The following ANAPC7 variants were observed in gnomAD, a reference collection of about 807,000 sequenced individuals.
ANAPC7 encodes anaphase promoting complex subunit 7, also known as anaphase-promoting complex subunit 7.
In ANAPC7, 25 loss-of-function variants were observed where a neutral mutation model predicts 63.3. That is an observed-to-expected ratio of 0.39 (90% CI 0.29 to 0.55). The LOEUF (loss-of-function observed/expected upper bound fraction) is 0.55. ANAPC7 is among the 20% of genes least tolerant of loss of function. The pLI is 0.57. For missense variants in ANAPC7, 516 were observed against 691.7 expected, an observed-to-expected ratio of 0.75 and a Z score of 2.85; for synonymous variants, 241 against 251.7, an observed-to-expected ratio of 0.96 and a Z score of 0.40.
intron 3 of ANAPC7, among the ~76,000 whole-genome samples, chr12:110,391,080 C>T (rs1883047042): frequency 6.6e-6 from 1 of 152,076 alleles, no homozygotes; most frequent in Non-Finnish European, 1.5e-5. Context: ...GTACCAGCTA[C>T]TCAGGAGGCT....
intron 3 of ANAPC7, among the ~76,000 whole-genome samples, chr12:110,392,078 A>T (rs1179885891): frequency 7.4e-6 from 1 of 135,470 alleles, no homozygotes; most frequent in Non-Finnish European, 1.5e-5. Flanking sequence ...GCAACACAGC[A>T]AGACTCCACC....
chr12:110,378,899 C>T (rs565018297), intron 8 of ANAPC7: 69 of 150,582 alleles, frequency 4.6e-4, no homozygotes, highest in African/African-American at 1.6e-3. Flanking sequence ...TGCTCTGTCA[C>T]CCAGGCTGGA....
chr12:110,383,709 C>T (rs183169973), intron 6 of ANAPC7, among the ~76,000 whole-genome samples: 3 of 150,454 alleles, frequency 2.0e-5, no homozygotes, highest in Admixed American at 1.3e-4. Context: ...AACCCCATCT[C>T]TACTAAAAAT....
intron 10 of ANAPC7, 37 bp downstream of exon 10, chr12:110,376,029 C>A: frequency 6.3e-7 from 1 of 1,593,270 alleles, no homozygotes; most frequent in African/African-American, 1.3e-5. Context: ...CCTCTACCCT[C>A]CTCAGTGGCC....
chr12:110,388,944 T>C (rs890508760), intron 3 of ANAPC7, among the ~76,000 whole-genome samples: 2 of 151,024 alleles, frequency 1.3e-5, no homozygotes, highest in African/African-American at 4.9e-5. Flanking sequence ...TAGCTGGGCG[T>C]GGTGGCGGGA....
chr12:110,396,978 C>G (rs1227304308), intron 1 of ANAPC7, among the ~76,000 whole-genome samples: 1 of 151,720 alleles, frequency 6.6e-6, no homozygotes, highest in Non-Finnish European at 1.5e-5. Flanking sequence ...CTGAGGGGGG[C>G]GGATCTCGAG....
intron 8 of ANAPC7, chr12:110,378,956 T>G (rs1459015855): frequency 3.3e-5 from 5 of 151,870 alleles, no homozygotes; most frequent in Admixed American, 3.3e-4. Flanking sequence ...TCTCCTGGGT[T>G]CAAGCAATTC....
chr12:110,388,666 G>T (rs1232659146), intron 3 of ANAPC7, 43 bp from the exon 4 acceptor site: 1 of 1,405,894 alleles, frequency 7.1e-7, no homozygotes, highest in Non-Finnish European at 1.0e-6. Flanking sequence ...AGCGTATATT[G>T]CAAAGAAAAT....
intron 9 of ANAPC7, among the ~76,000 whole-genome samples, chr12:110,376,930 G>A (rs1881338559): frequency 6.6e-6 from 1 of 151,366 alleles, no homozygotes; most frequent in Admixed American, 6.6e-5. Flanking sequence ...AAACCGGCCT[G>A]GCCAATATGG....
chr12:110,382,457 AAAAAATATATAT>A (rs1414329412), intron 7 of ANAPC7, among the ~76,000 whole-genome samples: 5 of 65,266 alleles, frequency 7.7e-5, no homozygotes, highest in African/African-American at 3.4e-4. Context: ...AAAAAAAAAA[AAAAAATATATAT>A]ATATATATAT....
In ANAPC7 at chr12:110,373,240, C is replaced by T. The variant is rs1880979216; in HGVS notation, c.*904G>A. The T allele has an allele frequency of 6.6e-6, 1 of 152,136 alleles. No individual in the cohort carries two copies. The highest frequency in any genetic ancestry group is 2.4e-5 in the African/African-American group (1 of 41,408). The allele number at this position is 152,136 out of a possible 1,614,324, so 9.4% of individuals were successfully genotyped here. Reference sequence around the variant, plus strand: ...AGCTGCAGCAAAAGAGCCAGGCAGACGCAGCTGAAATCTGGCCAAAGACTC... The same window carrying T: ...AGCTGCAGCAAAAGAGCCAGGCAGATGCAGCTGAAATCTGGCCAAAGACTC... On this transcript the variant is annotated 3_prime_UTR_variant, in exon 11 of 11. Coordinates refer to ENST00000455511, the MANE Select transcript of ANAPC7 (RefSeq NM_016238.3).
At chr12:110,376,511 G>A (rs900761949) in intron 9 of ANAPC7, among the ~76,000 whole-genome samples, 5 of 138,572 alleles carry the variant, frequency 3.6e-5, no homozygotes, top group Admixed American at 2.5e-4. Flanking sequence ...GGAGCTTGCA[G>A]TGAGCCGTGA....
Position 110,403,588 on chromosome 12 carries a change from C to T in ANAPC7, c.40G>A (p.Gly14Arg). 1 of 1,608,578 alleles carries T rather than the reference C, an allele frequency of 6.2e-7. No homozygotes were observed. The highest frequency in any genetic ancestry group is 8.5e-7 in the Non-Finnish European group (1 of 1,177,992). ...AGGAGCCGCACGTTGGAGTGCAGCC[C>T]CGCGGCCGCCATGTCCCGCACGTGG... Reference protein sequence around the residue: ...IDHVRDMAAAGLHSNVRLLSS... With the variant: ...IDHVRDMAAARLHSNVRLLSS... Residue 14 changes from glycine to arginine, a missense_variant, in exon 1 of 11, where the codon GGG becomes AGG. Physicochemically the swap from Gly to Arg is moderately radical, Grantham distance 125. Coordinates refer to ENST00000455511, the MANE Select transcript of ANAPC7 (RefSeq NM_016238.3).
chr12:110,401,437 A>C (rs1191175311), intron 1 of ANAPC7, among the ~76,000 whole-genome samples: 1 of 152,170 alleles, frequency 6.6e-6, no homozygotes, highest in Non-Finnish European at 1.5e-5. Context: ...GAAGGGTAGA[A>C]AAGTGGGAGT....
chr12:110,396,238 A>T, intron 2 of ANAPC7, 28 bp downstream of exon 2: 1 of 1,584,580 alleles, frequency 6.3e-7, no homozygotes, highest in South Asian at 1.2e-5. Context: ...AAAAAAAAAA[A>T]AAAAATCACA....
At chr12:110,382,457 A>ATATATACATATATATAT (rs1251192302) in intron 7 of ANAPC7, among the ~76,000 whole-genome samples, 17 of 65,268 alleles carry the variant, frequency 2.6e-4, no homozygotes, top group African/African-American at 1.2e-3. Context: ...AAAAAAAAAA[A>ATATATACATATATATAT]AAAAATATAT....
intron 2 of ANAPC7, among the ~76,000 whole-genome samples, chr12:110,395,803 G>A (rs1180898891): frequency 6.6e-6 from 1 of 152,180 alleles, no homozygotes; most frequent in African/African-American, 2.4e-5. Flanking sequence ...CTCCCAAAGT[G>A]CTGGGATTAC....
chr12:110,382,785 C>A, intron 7 of ANAPC7, 58 bp downstream of exon 7: 3 of 1,389,018 alleles, frequency 2.2e-6, no homozygotes, highest in Non-Finnish European at 3.0e-6. Flanking sequence ...TCTTCAAGAG[C>A]AACCATTATC....
intron 3 of ANAPC7, among the ~76,000 whole-genome samples, chr12:110,393,949 A>G (rs548472237): frequency 6.7e-6 from 1 of 148,836 alleles, no homozygotes; most frequent in South Asian, 2.2e-4. Flanking sequence ...GTGGCAGGCG[A>G]ATCACAAAGT....
Sources: gnomAD v4.1 joint callset for allele counts (sites outside exome capture counted in the v4.1 genomes callset) on GRCh38, gnomAD v4.1.1 for gene constraint, MANE v1.5 for transcripts, NCBI Gene and HGNC (gene_info 2026-07-23, HGNC 2026-07-21) for gene names.